The following PCDH15 variants were observed in gnomAD, a reference collection of about 807,000 sequenced individuals.
PCDH15 encodes the protein protocadherin-15.
In PCDH15, 129 loss-of-function variants were observed where a neutral mutation model predicts 178.5. That is an observed-to-expected ratio of 0.72 (90% CI 0.63 to 0.84). The LOEUF is 0.84. Ranked by LOEUF, PCDH15 falls within the 40% of genes least tolerant of loss-of-function variation. The pLI is 0.00. For synonymous variants in PCDH15, 800 were observed against 732.0 expected, an observed-to-expected ratio of 1.09 and a Z score of -1.50; for missense variants, 2,230 against 2,099.9, an observed-to-expected ratio of 1.06 and a Z score of -1.21.
At chr10:55,102,742 A>G (rs1842601320) in intron 2 of PCDH15, among the ~76,000 whole-genome samples, 1 of 152,152 alleles carries the variant, frequency 6.6e-6, no homozygotes, top group Non-Finnish European at 1.5e-5. Context: ...CCCCCAAAAT[A>G]TAACTATTAA....
chr10:53,991,239 G>T (rs565105647), intron 21 of PCDH15, among the ~76,000 whole-genome samples: 1 of 152,198 alleles, frequency 6.6e-6, no homozygotes, highest in East Asian at 1.9e-4. Context: ...CTGCAGCCCC[G>T]GCGTGGGATC....
chr10:54,124,018 G>T (rs1393501049), intron 15 of PCDH15, among the ~76,000 whole-genome samples: 1 of 152,080 alleles, frequency 6.6e-6, no homozygotes, highest in Non-Finnish European at 1.5e-5. Flanking sequence ...TGGCTGAGAG[G>T]GAGCGTAGCA....
chr10:54,528,436 C>T (rs1265093828), intron 2 of PCDH15: 2 of 1,539,174 alleles, frequency 1.3e-6, no homozygotes, highest in Non-Finnish European at 8.8e-7. Flanking sequence ...TCAATGGAAG[C>T]AGATCAGAAA....
At chr10:55,439,056 G>A (rs142047404) in intron 2 of PCDH15, among the ~76,000 whole-genome samples, 23 of 151,774 alleles carry the variant, frequency 1.5e-4, no homozygotes, top group African/African-American at 5.1e-4. Flanking sequence ...CCACCACCAC[G>A]CTTGGCTAAT....
intron 21 of PCDH15, among the ~76,000 whole-genome samples, chr10:53,986,811 A>C (rs186350507): frequency 4.6e-5 from 7 of 152,302 alleles, no homozygotes; most frequent in Admixed American, 3.9e-4. Flanking sequence ...TCAGGGGCTA[A>C]GGGAAAGGGG....
At chr10:54,446,188 A>C (rs1264589524) in intron 3 of PCDH15, among the ~76,000 whole-genome samples, 1 of 151,662 alleles carries the variant, frequency 6.6e-6, no homozygotes, top group Non-Finnish European at 1.5e-5. Flanking sequence ...AAAAGGTTCA[A>C]ATACTAATTT....
At chr10:54,243,055 T>G (rs1406400637) in intron 8 of PCDH15, among the ~76,000 whole-genome samples, 1 of 152,316 alleles carries the variant, frequency 6.6e-6, no homozygotes, top group African/African-American at 2.4e-5. Context: ...ATTTGAAATC[T>G]TAGTAACTAT....
At chr10:54,081,133 G>A (rs1279822454) in intron 16 of PCDH15, among the ~76,000 whole-genome samples, 1 of 151,842 alleles carries the variant, frequency 6.6e-6, no homozygotes, top group African/African-American at 2.4e-5. Flanking sequence ...TACCTTCCAG[G>A]AAACAAAACA....
intron 1 of PCDH15, among the ~76,000 whole-genome samples, chr10:55,198,654 A>T (rs997810170): frequency 7.0e-5 from 10 of 142,574 alleles, no homozygotes; most frequent in Non-Finnish European, 7.7e-5. Context: ...CGCCCAGCTA[A>T]TTTTTTTTTT....
chr10:54,549,396 A>G (rs1443658542), intron 2 of PCDH15, among the ~76,000 whole-genome samples: 1 of 151,904 alleles, frequency 6.6e-6, no homozygotes, highest in Admixed American at 6.6e-5. Context: ...TTGTCTTCTA[A>G]TTATGATTTC....
intron 8 of PCDH15, among the ~76,000 whole-genome samples, chr10:54,264,542 C>A (rs1204713752): frequency 6.6e-6 from 1 of 152,022 alleles, no homozygotes; most frequent in Non-Finnish European, 1.5e-5. Flanking sequence ...ATTTGAAAGA[C>A]AACATAGCTA....
At chr10:54,184,593 G>C (rs761433979) in intron 12 of PCDH15, among the ~76,000 whole-genome samples, 1 of 151,936 alleles carries the variant, frequency 6.6e-6, no homozygotes, top group Admixed American at 6.6e-5. Flanking sequence ...CCTTGGGACA[G>C]ATAACTCTTT....
At chr10:54,301,981 G>A (rs2060176295) in intron 8 of PCDH15, among the ~76,000 whole-genome samples, 1 of 152,044 alleles carries the variant, frequency 6.6e-6, no homozygotes, top group Non-Finnish European at 1.5e-5. Flanking sequence ...GTGGTTGCTG[G>A]CTGTTTTTTT....
chr10:54,694,920 G>A (rs1222598066), intron 1 of PCDH15, among the ~76,000 whole-genome samples: 1 of 152,026 alleles, frequency 6.6e-6, no homozygotes, highest in Non-Finnish European at 1.5e-5. Context: ...AAGCCCAGAG[G>A]CCAAAAGCTA....
chr10:54,631,623 T>C (rs748258625), intron 2 of PCDH15, among the ~76,000 whole-genome samples: 3 of 152,248 alleles, frequency 2.0e-5, no homozygotes, highest in Middle Eastern at 3.4e-3. Context: ...ATCATAGCAC[T>C]ATGCACAAAA....
At chr10:54,639,821 A>G (rs2093951000) in intron 2 of PCDH15, among the ~76,000 whole-genome samples, 1 of 152,218 alleles carries the variant, frequency 6.6e-6, no homozygotes, top group South Asian at 2.1e-4. Context: ...CCAACCACAC[A>G]TTAACCCTGT....
chr10:54,459,007 C>T (rs1001462635), intron 3 of PCDH15, among the ~76,000 whole-genome samples: 2 of 152,150 alleles, frequency 1.3e-5, no homozygotes, highest in African/African-American at 4.8e-5. Context: ...TTTGCACCTT[C>T]TCCCCATGTC....
At chr10:54,495,138 A>C (rs996154404) in intron 3 of PCDH15, among the ~76,000 whole-genome samples, 1 of 152,138 alleles carries the variant, frequency 6.6e-6, no homozygotes, top group East Asian at 1.9e-4. Context: ...TGTGGGGGGA[A>C]GTGCTAATAA....
intron 15 of PCDH15, among the ~76,000 whole-genome samples, chr10:54,093,097 T>A (rs1356296072): frequency 1.3e-5 from 2 of 150,832 alleles, no homozygotes; most frequent in African/African-American, 2.4e-5. Context: ...TATTTATTAT[T>A]TTTATGTTAA....
Sources: allele counts gnomAD v4.1 joint callset (sites outside exome capture counted in the v4.1 genomes callset), GRCh38; gene constraint gnomAD v4.1.1; transcripts MANE v1.5; gene names NCBI Gene and HGNC (gene_info 2026-07-23, HGNC 2026-07-21).